ATP10A: variants seen among roughly 807,000 people sequenced by gnomAD.
ATP10A encodes the protein phospholipid-transporting ATPase VA.
ATP10A carries 111 observed loss-of-function variants against 147.8 expected under a neutral mutation model. The observed-to-expected ratio is 0.75, with a 90% CI of 0.64 to 0.88. The LOEUF (loss-of-function observed/expected upper bound fraction) is 0.88. ATP10A is among the 40% of genes least tolerant of loss of function. The pLI is 0.00. For synonymous variants in ATP10A, 875 were observed against 841.6 expected, an observed-to-expected ratio of 1.04 and a Z score of -0.69; for missense variants, 1,927 against 1,959.0, an observed-to-expected ratio of 0.98 and a Z score of 0.31.
chr15:25,702,183 A>G lies in ATP10A; in HGVS notation c.2576-83T>C, dbSNP rs1327905747. On this transcript the variant is annotated intron_variant, in intron 12 of 20. Transcript: ENST00000555815. ...CTGGGGTGCAAATGTCATGCACCAG[A>G]TACACCGAAGGCAGGCACTGGTACA... The G allele has an allele frequency of 4.3e-6, 6 of 1,403,380 alleles. No homozygotes were observed. The African/African-American group carries it at 4.3e-5, about 10-fold the overall frequency. The allele number at this position is 1,403,380 out of a possible 1,614,324, so 86.9% of individuals were successfully genotyped here.
At chr15:25,862,503 G>T in intron 1 of ATP10A, 145 bp downstream of exon 1, 1 of 1,043,530 alleles carries the variant, frequency 9.6e-7, no homozygotes, top group Non-Finnish European at 1.4e-6. Context: ...GGTCGGCACC[G>T]GGTCCCGCGC....
intron 1 of ATP10A, among the ~76,000 whole-genome samples, chr15:25,801,454 AG>A (rs1890934851): frequency 6.6e-6 from 1 of 152,178 alleles, no homozygotes; most frequent in Non-Finnish European, 1.5e-5. Context: ...GGTGGTAGTC[AG>A]GGGGACTATG....
intron 2 of ATP10A, among the ~76,000 whole-genome samples, chr15:25,754,906 G>A (rs1429328876): frequency 6.6e-6 from 1 of 152,100 alleles, no homozygotes; most frequent in Admixed American, 6.5e-5. Context: ...GATTCTTATT[G>A]GCATTCAGGA....
chr15:25,737,090 G>A (rs1381489278), intron 2 of ATP10A, among the ~76,000 whole-genome samples: 1 of 152,208 alleles, frequency 6.6e-6, no homozygotes, highest in Non-Finnish European at 1.5e-5. Flanking sequence ...TACATTAAAA[G>A]GGGCGTGTGC....
intron 1 of ATP10A, among the ~76,000 whole-genome samples, chr15:25,803,976 T>C (rs978093876): frequency 6.6e-6 from 1 of 152,112 alleles, no homozygotes; most frequent in Non-Finnish European, 1.5e-5. Flanking sequence ...TAGTGTGTGA[T>C]GTGAGGTGTT....
chr15:25,759,149 A>G (rs1253942953), intron 2 of ATP10A, among the ~76,000 whole-genome samples: 1 of 152,200 alleles, frequency 6.6e-6, no homozygotes, highest in Non-Finnish European at 1.5e-5. Flanking sequence ...GCACCCTTCT[A>G]TATAGAAGTA....
Position 25,736,156 on chromosome 15 carries a change from CGTA to C in ATP10A, c.655-18_655-16del. On this transcript the variant is annotated splice_polypyrimidine_tract_variant and intron_variant, in intron 2 of 20. Coordinates refer to ENST00000555815, the MANE Select transcript of ATP10A (RefSeq NM_024490.4). ...AATTCGGAGACCTAAAATAACAGCACGTAGACATTAGAGAAATCCGGGCTCAGG... is the reference window on the plus strand; with the variant it reads ...AATTCGGAGACCTAAAATAACAGCACGACATTAGAGAAATCCGGGCTCAGG... 6.2e-7 allele frequency: 1 copy of C among 1,608,444 alleles called. No individual in the cohort carries two copies.
At chr15:25,712,417 A>T (rs1901489119) in intron 10 of ATP10A, among the ~76,000 whole-genome samples, 1 of 152,202 alleles carries the variant, frequency 6.6e-6, no homozygotes, top group South Asian at 2.1e-4. Flanking sequence ...AGCGCTGGGC[A>T]GCCCCCACAT....
At chr15:25,688,203 C>T (rs1165560758) in intron 15 of ATP10A, among the ~76,000 whole-genome samples, 1 of 152,178 alleles carries the variant, frequency 6.6e-6, no homozygotes, top group Non-Finnish European at 1.5e-5. Flanking sequence ...TCCTCTAAAT[C>T]GGTCCATGGT....
At chr15:25,771,266 A>T (rs749816005) in intron 2 of ATP10A, among the ~76,000 whole-genome samples, 6 of 152,060 alleles carry the variant, frequency 3.9e-5, no homozygotes, top group Non-Finnish European at 7.4e-5. Context: ...ATAAACAAGG[A>T]CATGCCAATC....
chr15:25,744,400 C>T lies in ATP10A; in HGVS notation c.655-8259G>A, dbSNP rs565866822. On this transcript the variant is annotated intron_variant, in intron 2 of 20. Coordinates refer to ENST00000555815, the MANE Select transcript of ATP10A (RefSeq NM_024490.4). ...AGTGTGTGTATATATATATGAAATACAAGGCCTCAAATTATTTGTAAAAAA... is the reference window on the plus strand; with the variant it reads ...AGTGTGTGTATATATATATGAAATATAAGGCCTCAAATTATTTGTAAAAAA... 4.6e-5 allele frequency among the ~76,000 whole-genome samples: 7 copies of T among 152,154 alleles called. No homozygotes were observed. In the South Asian group the frequency reaches 1.0e-3, roughly 23 times the overall value.
At chr15:25,722,357 G>C (rs998589359) in intron 6 of ATP10A, among the ~76,000 whole-genome samples, 2 of 152,160 alleles carry the variant, frequency 1.3e-5, no homozygotes, top group African/African-American at 4.8e-5. Flanking sequence ...CCAAGTTCAG[G>C]GGGCAGTGCA....
In ATP10A at chr15:25,858,102, G is replaced by A. The variant is rs144785727; in HGVS notation, c.449+4546C>T. On this transcript the variant is annotated intron_variant, in intron 1 of 20. Transcript: ENST00000555815. ...TAATATATGATATGTAACAGGTACCGAAAAATTATTTCCAACAAACATGTG... is the reference window on the plus strand; with the variant it reads ...TAATATATGATATGTAACAGGTACCAAAAAATTATTTCCAACAAACATGTG... Among the ~76,000 whole-genome samples, 302 of 152,234 alleles carry A rather than the reference G, an allele frequency of 2.0e-3. 4 individuals are homozygous for A. Among genetic ancestry groups the A allele is most frequent in the South Asian group, 0.014 (66 of 4,818 alleles).
At chr15:25,733,360 T>G (rs1887060691) in intron 3 of ATP10A, among the ~76,000 whole-genome samples, 1 of 152,032 alleles carries the variant, frequency 6.6e-6, no homozygotes, top group Non-Finnish European at 1.5e-5. Flanking sequence ...TTGGGACGGA[T>G]AGCGTTACCA....
intron 3 of ATP10A, among the ~76,000 whole-genome samples, chr15:25,729,199 T>C (rs1902792453): frequency 6.6e-6 from 1 of 152,048 alleles, no homozygotes; most frequent in Non-Finnish European, 1.5e-5. Flanking sequence ...TAAAATGAGG[T>C]CCTTTGGACA....
chr15:25,689,914 A>C (rs1429184982), intron 15 of ATP10A, among the ~76,000 whole-genome samples: 2 of 152,226 alleles, frequency 1.3e-5, no homozygotes, highest in Non-Finnish European at 2.9e-5. Context: ...TTACTAGACG[A>C]GTTTCCAAGC....
chr15:25,821,407 AAAAC>A (rs1418693622), intron 1 of ATP10A, among the ~76,000 whole-genome samples: 7 of 151,658 alleles, frequency 4.6e-5, no homozygotes, highest in African/African-American at 1.7e-4. Context: ...AACAAAAAAA[AAAAC>A]AAACAAAAAA....
rs1278507507 is a variant in ATP10A at position 25,862,857 on chromosome 15, G to C, written c.240C>G (p.Phe80Leu). The part of the protein sequence containing the change: ...TLLSFLPKNL[F>L]EQFHRPANVY... ...CGTTGGCCGGGCGGTGGAACTGCTC[G>C]AACAGGTTCTTGGGCAGGAAGGACA... Residue 80 changes from phenylalanine (F) to leucine (L), a missense_variant, in exon 1 of 21, where the codon TTC becomes TTG. Physicochemically the swap from Phe to Leu is conservative, Grantham distance 22. Coordinates refer to ENST00000555815, the MANE Select transcript of ATP10A (RefSeq NM_024490.4). 3.7e-6 allele frequency: 6 copies of C among 1,610,690 alleles called. No homozygotes were observed. The highest frequency in any genetic ancestry group is 1.3e-5 in the African/African-American group (1 of 74,882).
chr15:25,788,397 G>A (rs1157821835), intron 1 of ATP10A, among the ~76,000 whole-genome samples: 2 of 152,168 alleles, frequency 1.3e-5, no homozygotes, highest in South Asian at 2.1e-4. Context: ...CTGTAGGATC[G>A]CTACAGTCTC....
Sources: gnomAD v4.1 joint callset for allele counts (sites outside exome capture counted in the v4.1 genomes callset) on GRCh38, gnomAD v4.1.1 for gene constraint, MANE v1.5 for transcripts, NCBI Gene and HGNC (gene_info 2026-07-23, HGNC 2026-07-21) for gene names.